The following EML6 variants were observed in gnomAD, a reference collection of about 807,000 sequenced individuals.
EML6 encodes the protein echinoderm microtubule-associated protein-like 6.
Under a neutral mutation model 240.1 loss-of-function variants are expected in EML6, and 154 were observed. The observed-to-expected ratio is 0.64, with a 90% CI of 0.56 to 0.73. The LOEUF (loss-of-function observed/expected upper bound fraction) is 0.73. EML6 is among the 30% of genes least tolerant of loss of function. The pLI is 0.00. For synonymous variants in EML6, 1,148 were observed against 899.0 expected, an observed-to-expected ratio of 1.28 and a Z score of -4.95; for missense variants, 2,964 against 2,474.6, an observed-to-expected ratio of 1.20 and a Z score of -4.20.
chr2:54,825,572 T>C (rs1668546916), intron 5 of EML6, among the ~76,000 whole-genome samples: 1 of 152,188 alleles, frequency 6.6e-6, no homozygotes, highest in Non-Finnish European at 1.5e-5. Context: ...TGCTTTATTA[T>C]TTCAACATAT....
At position 54,948,921 on chromosome 2, in the gene EML6, G is replaced by A. The variant is rs1675825734; in HGVS notation, c.4044G>A (p.Leu1348=). Residue 1348 remains leucine (L), a synonymous_variant, in exon 29 of 42, where the codon CTG becomes CTA. Coordinates refer to ENST00000356458, the MANE Select transcript of EML6 (RefSeq NM_001039753.4). The part of the protein sequence containing the change: ...VSRAAPQPEK[L]QKNNITKKKK... ...GAGCAGCTCCCCAGCCTGAGAAACT[G>A]CAGAAGAACAATATCACCAAAAAAA... 5.2e-6 allele frequency: 8 copies of A among 1,551,496 alleles called. No homozygotes were observed. Among genetic ancestry groups the A allele is most frequent in the Non-Finnish European group, 7.0e-6 (8 of 1,146,952 alleles).
At chr2:54,953,643 A>G (rs1052888913) in intron 31 of EML6, among the ~76,000 whole-genome samples, 3 of 152,174 alleles carry the variant, frequency 2.0e-5, no homozygotes, top group African/African-American at 7.2e-5. Context: ...TTGTAATCCC[A>G]GCACTTTGGG....
At chr2:54,748,811 C>T (rs1292030853) in intron 2 of EML6, among the ~76,000 whole-genome samples, 1 of 152,164 alleles carries the variant, frequency 6.6e-6, no homozygotes, top group Non-Finnish European at 1.5e-5. Flanking sequence ...AATCCTCCCA[C>T]CTTGGCCTTT....
At chr2:54,802,831 A>G (rs956458766) in intron 2 of EML6, among the ~76,000 whole-genome samples, 6 of 152,002 alleles carry the variant, frequency 3.9e-5, no homozygotes, top group Admixed American at 3.9e-4. Context: ...CATGTTCTCA[A>G]CTCAGTAGAG....
intron 26 of EML6, among the ~76,000 whole-genome samples, chr2:54,926,402 A>G (rs1174353223): frequency 6.6e-6 from 1 of 152,204 alleles, no homozygotes; most frequent in Non-Finnish European, 1.5e-5. Context: ...GCACCTGGCC[A>G]TATTCCAGGT....
intron 28 of EML6, among the ~76,000 whole-genome samples, chr2:54,932,680 T>C (rs1039959032): frequency 2.6e-5 from 4 of 152,184 alleles, no homozygotes; most frequent in Non-Finnish European, 5.9e-5. Flanking sequence ...TTCAGAGCAA[T>C]TTAAGATACA....
chr2:54,964,185 G>A (rs113965812), intron 37 of EML6, 27 bp downstream of exon 37: 44,451 of 1,546,234 alleles, frequency 0.029, 950 homozygotes, highest in South Asian at 0.075. Context: ...TCTGGGCATG[G>A]AGGAGAAAGG....
chr2:54,962,107 G>C (rs1257686044), intron 35 of EML6, among the ~76,000 whole-genome samples: 2 of 145,474 alleles, frequency 1.4e-5, no homozygotes, highest in Non-Finnish European at 3.0e-5. Flanking sequence ...TTTAAAGACA[G>C]GGTCTCACTG....
intron 29 of EML6, 121 bp from the exon 30 acceptor site, chr2:54,950,529 G>A (rs910363615): frequency 1.7e-5 from 18 of 1,088,708 alleles, no homozygotes; most frequent in Middle Eastern, 2.7e-4. Flanking sequence ...GTGAGTGTGT[G>A]TTGGCGTCAC....
intron 16 of EML6, among the ~76,000 whole-genome samples, chr2:54,876,412 T>C (rs1478172168): frequency 6.6e-6 from 1 of 152,202 alleles, no homozygotes; most frequent in Non-Finnish European, 1.5e-5. Context: ...ACAATCAGAA[T>C]ACCTTTTTTT....
chr2:54,936,503 T>C (rs994194030), intron 28 of EML6, among the ~76,000 whole-genome samples: 1 of 152,220 alleles, frequency 6.6e-6, no homozygotes, highest in Admixed American at 6.5e-5. Flanking sequence ...AAACCCAACT[T>C]TATAATAAGA....
intron 2 of EML6, among the ~76,000 whole-genome samples, chr2:54,806,010 C>G (rs928333654): frequency 4.6e-5 from 7 of 151,976 alleles, no homozygotes; most frequent in Non-Finnish European, 1.0e-4. Flanking sequence ...ATTTGTATGT[C>G]TATCCTTATA....
intron 17 of EML6, among the ~76,000 whole-genome samples, chr2:54,886,156 CCTTCT>C (rs1311779393): frequency 6.3e-5 from 8 of 126,788 alleles, no homozygotes; most frequent in Admixed American, 1.8e-4. Context: ...TTTTTTTTAA[CCTTCT>C]TTTTTTTTTT....
intron 35 of EML6, among the ~76,000 whole-genome samples, chr2:54,961,078 A>T (rs1371674798): frequency 6.6e-6 from 1 of 151,994 alleles, no homozygotes; most frequent in Non-Finnish European, 1.5e-5. Flanking sequence ...CATGATTCAA[A>T]ACTGGGGATT....
intron 2 of EML6, among the ~76,000 whole-genome samples, chr2:54,744,994 T>G (rs901352909): frequency 8.4e-6 from 1 of 118,796 alleles, no homozygotes. Flanking sequence ...AGTGAGGGAG[T>G]GAGGGAAAGA....
intron 28 of EML6, among the ~76,000 whole-genome samples, chr2:54,938,916 A>G (rs971786156): frequency 6.6e-5 from 10 of 152,176 alleles, no homozygotes; most frequent in Admixed American, 2.6e-4. Flanking sequence ...TAAGAACTGA[A>G]CAATCACAGG....
chr2:54,800,592 C>T (rs1338011461), intron 2 of EML6, among the ~76,000 whole-genome samples: 3 of 152,128 alleles, frequency 2.0e-5, no homozygotes, highest in Non-Finnish European at 4.4e-5. Context: ...TAACGGCACC[C>T]TCCAGCATGG....
intron 2 of EML6, among the ~76,000 whole-genome samples, chr2:54,793,472 T>C (rs1282329420): frequency 6.6e-6 from 1 of 151,550 alleles, no homozygotes; most frequent in African/African-American, 2.4e-5. Flanking sequence ...AGCATATCTT[T>C]GTATATTTAA....
intron 2 of EML6, among the ~76,000 whole-genome samples, chr2:54,734,987 C>T (rs538496213): frequency 1.0e-3 from 159 of 152,306 alleles, no homozygotes; most frequent in African/African-American, 3.5e-3. Context: ...TTAACATCCT[C>T]CAGCCACATC....
Sources: gnomAD v4.1 joint callset for allele counts (sites outside exome capture counted in the v4.1 genomes callset) on GRCh38, gnomAD v4.1.1 for gene constraint, MANE v1.5 for transcripts, NCBI Gene and HGNC (gene_info 2026-07-23, HGNC 2026-07-21) for gene names.